The following PCDHA6 variants were observed in gnomAD, a reference collection of about 807,000 sequenced individuals.
PCDHA6 encodes protocadherin alpha-6.
In PCDHA6, 55 loss-of-function variants were observed where a neutral mutation model predicts 60.3. The ratio of observed to expected loss-of-function variants is 0.91; its 90% CI spans 0.73 to 1.14. The LOEUF (loss-of-function observed/expected upper bound fraction) is 1.14, where lower values mean the gene tolerates loss of function less well. Ranked by LOEUF, PCDHA6 falls within the 50% of genes most tolerant of loss-of-function variation. The pLI, the probability that PCDHA6 is intolerant of heterozygous loss-of-function variation, is 0.00. For missense variants in PCDHA6, 1,327 were observed against 1,256.5 expected (o/e 1.06, Z -0.85); for synonymous variants, 652 against 557.9 (o/e 1.17, Z -2.38).
chr5:140,834,900 A>C (rs1299634781), intron 1 of PCDHA6: 1 of 1,599,980 alleles, frequency 6.3e-7, no homozygotes, highest in Non-Finnish European at 8.5e-7. Flanking sequence ...TTACAGACTG[A>C]GCCCCAATGA....
rs137969621 is a variant in PCDHA6, at chr5:140,884,072, G to T, written c.2394+53587G>T. The T allele has an allele frequency of 9.1e-5, 147 of 1,613,476 alleles. 1 individual carries two copies. In the African/African-American group the frequency reaches 1.7e-3, roughly 19 times the overall value. On this transcript the variant is annotated intron_variant, in intron 1 of 3. Coordinates refer to ENST00000529310, the MANE Select transcript of PCDHA6 (RefSeq NM_018909.4). ...GGTGCGCGCGGTGGACGCCGATTCGGGCTACAATGCGTGGCTTTCGTATGA... is the reference window on the plus strand; with the variant it reads ...GGTGCGCGCGGTGGACGCCGATTCGTGCTACAATGCGTGGCTTTCGTATGA...
At chr5:140,870,219 CG>C in intron 1 of PCDHA6, 1 of 1,614,152 alleles carries the variant, frequency 6.2e-7, no homozygotes. Flanking sequence ...CCCTGATCAG[CG>C]TGTCTGACCG....
intron 1 of PCDHA6, chr5:140,882,794 G>C: frequency 6.2e-7 from 1 of 1,614,188 alleles, no homozygotes; most frequent in Non-Finnish European, 8.5e-7. Context: ...GGATCCCAAC[G>C]ATTATTTCAC....
intron 1 of PCDHA6, chr5:140,870,393 T>C (rs1554164195): frequency 1.5e-5 from 24 of 1,613,936 alleles, no homozygotes; most frequent in Non-Finnish European, 1.8e-5. Flanking sequence ...GGGATGGGGG[T>C]TCGCCTTCTC....
intron 3 of PCDHA6, among the ~76,000 whole-genome samples, chr5:140,983,234 G>C (rs1021819523): frequency 6.6e-6 from 1 of 152,196 alleles, no homozygotes; most frequent in Non-Finnish European, 1.5e-5. Context: ...TTTCAGGAAA[G>C]AGAACCTGCT....
chr5:140,883,003 C>T, intron 1 of PCDHA6: 1 of 1,614,050 alleles, frequency 6.2e-7, no homozygotes, highest in East Asian at 2.2e-5. Flanking sequence ...TTTACCAATC[C>T]GTTTATAAAG....
At chr5:140,882,096 T>A in intron 1 of PCDHA6, 1 of 1,224,746 alleles carries the variant, frequency 8.2e-7, no homozygotes, top group Non-Finnish European at 1.1e-6. Flanking sequence ...ACTGAGAACG[T>A]TTCCGCGAAG....
chr5:140,954,161 C>G (rs2094990748), intron 1 of PCDHA6, among the ~76,000 whole-genome samples: 1 of 152,200 alleles, frequency 6.6e-6, no homozygotes, highest in African/African-American at 2.4e-5. Context: ...ATATGTACCA[C>G]ATTTTCTTTA....
At chr5:140,914,710 G>T (rs879987412) in intron 1 of PCDHA6, among the ~76,000 whole-genome samples, 22 of 151,256 alleles carry the variant, frequency 1.5e-4, no homozygotes, top group Non-Finnish European at 2.4e-4. Flanking sequence ...TTAATTTCTT[G>T]TTTTTTATTT....
Position 140,882,398 on chromosome 5 carries a change from T to C in PCDHA6, c.2394+51913T>C, listed in dbSNP as rs782596260. The C allele has an allele frequency of 5.6e-6, 9 of 1,614,040 alleles. No individual in the cohort carries two copies. In the African/African-American group the frequency reaches 9.3e-5, roughly 17 times the overall value. On this transcript the variant is annotated intron_variant, in intron 1 of 3. Coordinates refer to ENST00000529310, the MANE Select transcript of PCDHA6 (RefSeq NM_018909.4). ...CCCCGAGGAAGCAAAACACGGCACCTTCGTGGGCCGCATCGCTCAGGACCT... is the reference window on the plus strand; with the variant it reads ...CCCCGAGGAAGCAAAACACGGCACCCTCGTGGGCCGCATCGCTCAGGACCT...
At chr5:140,869,924 A>G (rs2051503420) in intron 1 of PCDHA6, 3 of 1,611,514 alleles carry the variant, frequency 1.9e-6, no homozygotes, top group African/African-American at 1.3e-5. Flanking sequence ...GAAGGAGTCA[A>G]TGGAGAGGTA....
At chr5:140,833,341 A>G (rs1049850586) in intron 1 of PCDHA6, among the ~76,000 whole-genome samples, 8 of 152,226 alleles carry the variant, frequency 5.3e-5, no homozygotes, top group African/African-American at 1.9e-4. Context: ...GGAGTGAAAC[A>G]TTCCAGAAAA....
chr5:140,933,211 CTG>C (rs1491057503), intron 1 of PCDHA6, among the ~76,000 whole-genome samples: 2 of 151,532 alleles, frequency 1.3e-5, no homozygotes, highest in Non-Finnish European at 3.0e-5. Context: ...AATTACATGT[CTG>C]TTATATTGCA....
intron 1 of PCDHA6, chr5:140,883,145 T>C (rs2059462627): frequency 6.2e-7 from 1 of 1,613,988 alleles, no homozygotes; most frequent in Admixed American, 1.7e-5. Context: ...GGTATATGCA[T>C]TTACCATAAA....
chr5:140,951,779 CA>C (rs1402940575), intron 1 of PCDHA6, among the ~76,000 whole-genome samples: 1 of 152,142 alleles, frequency 6.6e-6, no homozygotes, highest in East Asian at 1.9e-4. Flanking sequence ...TCTTACATTG[CA>C]AAATACAATT....
At chr5:140,859,820 A>T (rs571266771) in intron 1 of PCDHA6, 10 of 152,434 alleles carry the variant, frequency 6.6e-5, no homozygotes, top group African/African-American at 2.2e-4. Context: ...TGCAGAGTTT[A>T]GAAGTGTATT....
intron 1 of PCDHA6, chr5:140,862,641 A>C (rs529897830): frequency 1.7e-5 from 9 of 540,658 alleles, no homozygotes; most frequent in Admixed American, 9.7e-5. Context: ...ACGACTTCAC[A>C]GTGTCCGCGC....
At chr5:140,864,187 AT>A (rs2153225210) in intron 1 of PCDHA6, 1 of 152,208 alleles carries the variant, frequency 6.6e-6, no homozygotes, top group East Asian at 1.9e-4. Context: ...ATGAATAATG[AT>A]CCTTATGAGA....
In PCDHA6 at chr5:141,010,896, A is replaced by G. The variant is rs1433932699; in HGVS notation, c.*959A>G. 6.5e-6 allele frequency: 1 copy of G among 153,790 alleles called. No individual in the cohort carries two copies. The highest frequency in any genetic ancestry group is 1.5e-5 in the Non-Finnish European group (1 of 68,052). The allele number at this position is 153,790 out of a possible 1,614,324, so 9.5% of individuals were successfully genotyped here. A position where few individuals can be genotyped will look rare whatever the true frequency, so the allele number is the denominator to read the frequency against. Reference sequence around the variant, plus strand: ...ATCTTTAAAGAGAAATATGAATACAATTCCCCTAAACTCTCCTCAAAAGAG... The same window carrying G: ...ATCTTTAAAGAGAAATATGAATACAGTTCCCCTAAACTCTCCTCAAAAGAG... On this transcript the variant is annotated 3_prime_UTR_variant, in exon 4 of 4. Coordinates refer to ENST00000529310, the MANE Select transcript of PCDHA6 (RefSeq NM_018909.4).
Sources: gnomAD v4.1 joint callset for allele counts (sites outside exome capture counted in the v4.1 genomes callset) on GRCh38, gnomAD v4.1.1 for gene constraint, MANE v1.5 for transcripts, NCBI Gene and HGNC (gene_info 2026-07-23, HGNC 2026-07-21) for gene names.